The following MYO15A variants were observed in gnomAD, a reference collection of about 807,000 sequenced individuals.
MYO15A encodes the protein unconventional myosin-XV.
MYO15A carries 308 observed loss-of-function variants against 394.6 expected under a neutral mutation model. The ratio of observed to expected loss-of-function variants is 0.78; its 90% CI spans 0.71 to 0.86. MYO15A has a LOEUF of 0.86. Ranked by LOEUF, MYO15A falls within the 40% of genes least tolerant of loss-of-function variation. MYO15A has a pLI of 0.00. For missense variants in MYO15A, 4,606 were observed against 4,799.1 expected, an observed-to-expected ratio of 0.96 and a Z score of 1.19; for synonymous variants, 1,957 against 2,003.8, an observed-to-expected ratio of 0.98 and a Z score of 0.62.
chr17:18,136,359 G>T, intron 13 of MYO15A, 58 bp from the exon 14 acceptor site: 1 of 1,603,710 alleles, frequency 6.2e-7, no homozygotes, highest in Non-Finnish European at 8.5e-7. Context: ...TCCCCTGGGG[G>T]CTTTCCGGAG....
intron 62 of MYO15A, among the ~76,000 whole-genome samples, chr17:18,170,726 G>C (rs1445238692): frequency 6.6e-6 from 1 of 152,126 alleles, no homozygotes; most frequent in Non-Finnish European, 1.5e-5. Flanking sequence ...AGCACATAAA[G>C]ATATAATCCC....
At position 18,150,570 on chromosome 17, in the gene MYO15A, G is replaced by C; in HGVS notation, c.7327+27G>C. The C allele has an allele frequency of 1.9e-6, 3 of 1,613,700 alleles. No homozygotes were observed. Among genetic ancestry groups the C allele is most frequent in the Non-Finnish European group, 2.5e-6 (3 of 1,179,658 alleles). The stretch of plus-strand genomic sequence containing the variant: ...TCAGTGCCTCCCCAGGGTGGTTCCA[G>C]GGTTGGGCAGGGCCAGAGCCACTTG... On this transcript the variant is annotated intron_variant, in intron 36 of 65. Transcript: ENST00000647165. This position sits in a 1 kb window ranked among gnomAD's most constrained non-coding sequence, Gnocchi z 4.4.
intron 1 of MYO15A, among the ~76,000 whole-genome samples, chr17:18,111,431 T>C (rs9914362): frequency 0.038 from 5,691 of 151,600 alleles, 291 homozygotes; most frequent in African/African-American, 0.11. Context: ...TGGTTCCACT[T>C]AACTCTGCGA....
rs558224863 is a variant in MYO15A, at chr17:18,148,975, C to G, written c.6956+23C>G. On this transcript the variant is annotated intron_variant, in intron 33 of 65. Coordinates refer to ENST00000647165, the MANE Select transcript of MYO15A (RefSeq NM_016239.4). This position sits in a 1 kb window ranked among gnomAD's most constrained non-coding sequence, Gnocchi z 4.8. ...AGTGTAGGTAGCTATGGGGGACCCC[C>G]TCACAGATGGCCACTCCCAGGCAGA... is the stretch of plus-strand genomic sequence containing the variant. The G allele has an allele frequency of 1.3e-6, 2 of 1,565,884 alleles. No individual in the cohort carries two copies.
intron 62 of MYO15A, 37 bp downstream of exon 62, chr17:18,167,760 A>G (rs1597820800): frequency 6.2e-7 from 1 of 1,600,218 alleles, no homozygotes; most frequent in East Asian, 2.2e-5. Context: ...TGGGGTGGAC[A>G]GGCAACCCTG....
chr17:18,158,969 C>T lies in MYO15A; in HGVS notation c.9128C>T (p.Thr3043Ile), dbSNP rs767040557. Reference protein sequence around the residue: ...LKSKEPRESRTLEDMLCFTKT... With the variant: ...LKSKEPRESRILEDMLCFTKT... ...TCCAAGGAGCCTCGGGAGTCCAGAA[C>T]CTTGGAGGACATGCTTTGCTTCACC... The change falls in exon 53 of 66, where the codon ACC (threonine) becomes ATC (isoleucine). Residue 3043 changes from threonine to isoleucine, a missense_variant. Physicochemically the swap from Thr to Ile is moderately conservative, Grantham distance 89 (BLOSUM62 -1). Transcript: ENST00000647165. 2 of 1,614,080 alleles carry T rather than the reference C, an allele frequency of 1.2e-6. No homozygotes were observed. Among genetic ancestry groups the T allele is most frequent in the Non-Finnish European group, 1.7e-6 (2 of 1,179,940 alleles).
chr17:18,158,825 T>TG, intron 52 of MYO15A, 100 bp from the exon 53 acceptor site: 14 of 1,459,110 alleles, frequency 9.6e-6, no homozygotes, highest in Non-Finnish European at 1.2e-5. Flanking sequence ...TGATCAGTGG[T>TG]GGGTCAAGAA....
chr17:18,116,052 G>A (rs1027017128), intron 1 of MYO15A, among the ~76,000 whole-genome samples: 18 of 152,196 alleles, frequency 1.2e-4, no homozygotes, highest in South Asian at 6.2e-4. Context: ...GCACTTAGAC[G>A]GTGCCTAGCA....
rs571332237 is a variant in MYO15A at position 18,117,122 on chromosome 17, A to C, written c.-219-1460A>C. ...ATTTCTCTGGTTTCCATCAAGCCCC[A>C]CTCCCCATCCCTGTGAGACTGCCTG... On this transcript the variant is annotated intron_variant, in intron 1 of 65. Transcript: ENST00000647165. The surrounding 1 kb of genome is among the most constrained non-coding windows in gnomAD (Gnocchi z 4.1). 3.3e-5 allele frequency among the ~76,000 whole-genome samples: 5 copies of C among 151,474 alleles called. No homozygotes were observed. In the South Asian group the frequency reaches 8.4e-4, roughly 25 times the overall value.
In MYO15A at chr17:18,121,488, G is replaced by A. The variant is rs1241636192; in HGVS notation, c.2688G>A (p.Arg896=). The part of the protein sequence containing the change: ...QVRLPFHRPP[R]AGAWRAPLEH... ...GCCTGCCCTTCCACCGACCGCCCAGGGCCGGGGCCTGGCGGGCGCCCCTGG... is the reference window on the plus strand; with the variant it reads ...GCCTGCCCTTCCACCGACCGCCCAGAGCCGGGGCCTGGCGGGCGCCCCTGG... Residue 896 remains arginine, a synonymous_variant, in exon 2 of 66, where the codon AGG becomes AGA. Transcript: ENST00000647165. This position sits in a 1 kb window ranked among gnomAD's most constrained non-coding sequence, Gnocchi z 5.3. 6.4e-7 allele frequency: 1 copy of A among 1,551,502 alleles called. No individual in the cohort carries two copies. Among genetic ancestry groups the A allele is most frequent in the Non-Finnish European group, 8.7e-7 (1 of 1,147,908 alleles).
At chr17:18,168,939 T>TA (rs1299896843) in intron 62 of MYO15A, among the ~76,000 whole-genome samples, 16 of 147,896 alleles carry the variant, frequency 1.1e-4, no homozygotes, top group Non-Finnish European at 1.9e-4. Context: ...CCGTATCTAC[T>TA]AAAAAAATTT....
rs942165582 is a variant in MYO15A, at chr17:18,157,889, C to G, written c.8956C>G (p.Arg2986Gly). The G allele has an allele frequency of 1.6e-6, 2 of 1,229,060 alleles. No individual in the cohort carries two copies. The highest frequency in any genetic ancestry group is 2.1e-6 in the Non-Finnish European group (2 of 957,874). 76.1% of individuals were successfully genotyped at this position (1,229,060 alleles called of 1,614,324 possible). Residue 2986 changes from arginine (R) to glycine (G), a missense_variant, in exon 51 of 66, where the codon CGC (arginine) becomes GGC (glycine). Around this residue, in one of 2 missense-constraint regions of MYO15A, gnomAD observed 2,776 missense variants for 3,109.3 expected, o/e 0.89. Transcript: ENST00000647165. ...ASAAAAQEVG[R>G]RREGPPVRAR... ...TGCAGCCGCTGCACAGGAGGTGGGC[C>G]GCAGGAGAGAGGTGAGACCAGTGTG... is the stretch of plus-strand genomic sequence containing the variant.
At chr17:18,118,141 C>T (rs1288165444) in intron 1 of MYO15A, among the ~76,000 whole-genome samples, 2 of 152,110 alleles carry the variant, frequency 1.3e-5, no homozygotes, top group Admixed American at 6.6e-5. Context: ...GGCAGCCTGG[C>T]TCCCCACCCC....
In MYO15A at chr17:18,150,788, G is replaced by C. The variant is rs190120222; in HGVS notation, c.7395+23G>C. The C allele has an allele frequency of 0.01, 16,492 of 1,581,720 alleles. 109 individuals are homozygous for C. Among genetic ancestry groups the C allele is most frequent in the Non-Finnish European group, 0.013 (14,609 of 1,163,010 alleles). On this transcript the variant is annotated intron_variant, in intron 37 of 65. Transcript: ENST00000647165. This position sits in a 1 kb window ranked among gnomAD's most constrained non-coding sequence, Gnocchi z 4.4. ...CTGGTGAGTGAGGGAGGGACTGCTG[G>C]GGGGTGGAGAATGGACCTGCCTGGT...
chr17:18,171,175 C>G (rs1233914752), intron 62 of MYO15A, among the ~76,000 whole-genome samples: 1 of 152,216 alleles, frequency 6.6e-6, no homozygotes, highest in Non-Finnish European at 1.5e-5. Context: ...TGCCCAGGGG[C>G]CTCAGCCTGG....
Position 18,121,967 on chromosome 17 carries a change from C to T in MYO15A, c.3167C>T (p.Thr1056Ile), listed in dbSNP as rs1270166730. 3.1e-6 allele frequency: 5 copies of T among 1,612,888 alleles called. No individual in the cohort carries two copies. The highest frequency in any genetic ancestry group is 4.2e-6 in the Non-Finnish European group (5 of 1,179,994). The change falls in exon 2 of 66, where the codon ACA (threonine) becomes ATA (isoleucine). Residue 1056 changes from threonine (T) to isoleucine (I), a missense_variant. Around this residue, in one of 2 missense-constraint regions of MYO15A, gnomAD observed 1,830 missense variants for 1,689.7 expected, o/e 1.08. Coordinates refer to ENST00000647165, the MANE Select transcript of MYO15A (RefSeq NM_016239.4). This position sits in a 1 kb window ranked among gnomAD's most constrained non-coding sequence, Gnocchi z 5.3. ...AAGGATGTCCTCCCAGAGCAAAAGACATTAAGGCCCAGCCTCTCATACCCA... is the reference window on the plus strand; with the variant it reads ...AAGGATGTCCTCCCAGAGCAAAAGATATTAAGGCCCAGCCTCTCATACCCA... ...PPKDVLPEQK[T>I]LRPSLSYPLA...
rs750405192 is a variant in MYO15A at position 18,159,671 on chromosome 17, C to A, written c.9295C>A (p.Leu3099Ile). Reference sequence around the variant, plus strand: ...GAGTGACCTGGACGTGCTTTGTAACCTCCTGAAGGTCAGTCCAGCCAACTT... The same window carrying A: ...GAGTGACCTGGACGTGCTTTGTAACATCCTGAAGGTCAGTCCAGCCAACTT... ...GQSDLDVLCN[L>I]LKLCGDHEVM... is the part of the protein sequence containing the mutation. Residue 3099 changes from leucine (L) to isoleucine (I), a missense_variant, in exon 55 of 66, where the codon CTC (leucine) becomes ATC (isoleucine). By Grantham distance (5) the Leu-to-Ile change is conservative. Coordinates refer to ENST00000647165, the MANE Select transcript of MYO15A (RefSeq NM_016239.4). 5 of 1,614,176 alleles carry A rather than the reference C, an allele frequency of 3.1e-6. No individual in the cohort carries two copies. In the Admixed American group the frequency reaches 5.0e-5, roughly 16 times the overall value.
chr17:18,167,867 C>T, intron 62 of MYO15A, 144 bp downstream of exon 62: 1 of 1,350,450 alleles, frequency 7.4e-7, no homozygotes, highest in Non-Finnish European at 1.0e-6. Context: ...AGGGGCTGTC[C>T]TTGCCTGGGG....
intron 13 of MYO15A, 76 bp downstream of exon 13, chr17:18,135,900 T>C (rs2046258521): frequency 7.3e-7 from 1 of 1,370,084 alleles, no homozygotes; most frequent in African/African-American, 1.4e-5. Flanking sequence ...GCCGATCCTT[T>C]GTGGGCAGCC....
Sources: gnomAD v4.1 joint callset for allele counts (sites outside exome capture counted in the v4.1 genomes callset) on GRCh38, gnomAD v4.1.1 for gene constraint, gnomAD v4.1.1 regional missense constraint, Gnocchi (gnomAD v3.1) non-coding constraint, MANE v1.5 for transcripts, NCBI Gene and HGNC (gene_info 2026-07-23, HGNC 2026-07-21) for gene names.